Variants in INTU observed in about 807,000 individuals in gnomAD.
INTU encodes inturned planar cell polarity protein.
In INTU, 68 loss-of-function variants were observed where a neutral mutation model predicts 100.5. That is an observed-to-expected ratio of 0.68 (90% confidence interval 0.56 to 0.83). The LOEUF (loss-of-function observed/expected upper bound fraction) is 0.83. INTU is among the 40% of genes least tolerant of loss of function. The pLI, the probability that INTU is intolerant of heterozygous loss-of-function variation, is 0.00. For missense variants in INTU, 1,071 were observed against 1,114.7 expected, an observed-to-expected ratio of 0.96 and a Z score of 0.56; for synonymous variants, 357 against 395.7, an observed-to-expected ratio of 0.90 and a Z score of 1.16.
chr4:127,719,563 G>T lies in INTU; in HGVS notation c.*3127G>T, dbSNP rs878979402. Reference sequence around the variant, plus strand: ...AATAGTTTCAGAAGAAGTGGTATCAGCTTCTTTTTGTATTTCTGGCAGAAT... The same window carrying T: ...AATAGTTTCAGAAGAAGTGGTATCATCTTCTTTTTGTATTTCTGGCAGAAT... On this transcript the variant is annotated 3_prime_UTR_variant, in exon 16 of 16. Coordinates refer to ENST00000335251, the MANE Select transcript of INTU (RefSeq NM_015693.4). The T allele has an allele frequency of 6.6e-6, 1 of 152,156 alleles. No individual in the cohort carries two copies. The highest frequency in any genetic ancestry group is 1.5e-5 in the Non-Finnish European group (1 of 68,018). 9.4% of individuals were successfully genotyped at this position (152,156 alleles called of 1,614,324 possible).
At chr4:127,659,741 A>G (rs899728275) in intron 3 of INTU, among the ~76,000 whole-genome samples, 2 of 152,174 alleles carry the variant, frequency 1.3e-5, no homozygotes, top group African/African-American at 4.8e-5. Context: ...TGGCTTTTTT[A>G]GAGCTTTGGA....
intron 1 of INTU, among the ~76,000 whole-genome samples, chr4:127,635,129 G>C (rs1051043569): frequency 5.3e-5 from 8 of 152,120 alleles, no homozygotes; most frequent in Non-Finnish European, 8.8e-5. Context: ...TACATGCTTT[G>C]TACCTGAGCT....
At position 127,709,711 on chromosome 4, in the gene INTU, TCACA is replaced by T. The variant is rs3066389; in HGVS notation, c.2369+1074_2369+1077del. ...ACAACTAGACACGTACTAATAGAATTCACACACACACACACACACACACACACAC... is the reference window on the plus strand; with the variant it reads ...ACAACTAGACACGTACTAATAGAATTCACACACACACACACACACACACAC... On this transcript the variant is annotated intron_variant, in intron 13 of 15. Transcript: ENST00000335251. Among the ~76,000 whole-genome samples, 659 of 143,390 alleles carry T rather than the reference TCACA, an allele frequency of 4.6e-3. 3 individuals are homozygous for T. The highest frequency in any genetic ancestry group is 5.1e-3 in the Non-Finnish European group (337 of 65,848). 94.1% of individuals were successfully genotyped at this position (143,390 alleles called of 152,430 possible). A position where few individuals can be genotyped will look rare whatever the true frequency, so the allele number is the denominator to read the frequency against.
At chr4:127,709,772 C>T (rs1731027324) in intron 13 of INTU, among the ~76,000 whole-genome samples, 1 of 151,606 alleles carries the variant, frequency 6.6e-6, no homozygotes, top group Non-Finnish European at 1.5e-5. Flanking sequence ...TTCTTAATCA[C>T]TGAAACACTT....
chr4:127,677,675 ACT>A (rs1170345829), intron 6 of INTU, among the ~76,000 whole-genome samples: 2 of 152,052 alleles, frequency 1.3e-5, no homozygotes, highest in Admixed American at 1.3e-4. Flanking sequence ...AAAACTGGAA[ACT>A]CTAAAAAGCA....
At chr4:127,645,378 C>A (rs1328774328) in intron 2 of INTU, among the ~76,000 whole-genome samples, 1 of 152,090 alleles carries the variant, frequency 6.6e-6, no homozygotes, top group Non-Finnish European at 1.5e-5. Context: ...ATAGCCCCAA[C>A]TGAAGCCCTC....
At chr4:127,684,239 AT>A (rs1490443615) in intron 6 of INTU, among the ~76,000 whole-genome samples, 169 bp from the exon 7 acceptor site, 2 of 152,158 alleles carry the variant, frequency 1.3e-5, no homozygotes, top group African/African-American at 2.4e-5. Context: ...TAAATCTAGA[AT>A]AAAGTGATCA....
In INTU at chr4:127,653,891, T is replaced by G. The variant is rs1728039121; in HGVS notation, c.683-2745T>G. On this transcript the variant is annotated intron_variant, in intron 2 of 15. Transcript: ENST00000335251. ...TGTAGGTCACTCAGGACTTGCTTTA[T>G]GAATCTGGGTGCTCCCGTGTTGGGT... Among the ~76,000 whole-genome samples, 7 of 151,972 alleles carry G rather than the reference T, an allele frequency of 4.6e-5. 1 individual carries two copies. In the South Asian group the frequency reaches 1.5e-3, roughly 32 times the overall value.
intron 4 of INTU, among the ~76,000 whole-genome samples, chr4:127,666,626 G>A (rs1244755648): frequency 3.3e-5 from 5 of 152,130 alleles, no homozygotes. Flanking sequence ...ACTCCCAGCA[G>A]AGACCCTAAC....
rs1731407234 is a variant in INTU, at chr4:127,725,696, C to T, written c.*9260C>T. 1 of 152,174 alleles carries T rather than the reference C, an allele frequency of 6.6e-6. No homozygotes were observed. The highest frequency in any genetic ancestry group is 1.5e-5 in the Non-Finnish European group (1 of 68,042). The allele number at this position is 152,174 out of a possible 1,614,324, so 9.4% of individuals were successfully genotyped here. On this transcript the variant is annotated 3_prime_UTR_variant, in exon 16 of 16. Coordinates refer to ENST00000335251, the MANE Select transcript of INTU (RefSeq NM_015693.4). The stretch of plus-strand genomic sequence containing the variant: ...TAAAAAGGCAGAGCAGACTACTGAT[C>T]TTAATAAAAGGAAAATTATTTGCTG...
intron 6 of INTU, among the ~76,000 whole-genome samples, chr4:127,682,834 T>A (rs1052654732): frequency 1.3e-5 from 2 of 152,078 alleles, no homozygotes; most frequent in Admixed American, 1.3e-4. Flanking sequence ...AATGAGATGA[T>A]TTAGGATGTA....
At chr4:127,712,094 A>G (rs1429276863) in intron 14 of INTU, among the ~76,000 whole-genome samples, 1 of 152,212 alleles carries the variant, frequency 6.6e-6, no homozygotes, top group Non-Finnish European at 1.5e-5. Flanking sequence ...ATAGCAATAC[A>G]TGTGTTAGGG....
At position 127,705,603 on chromosome 4, in the gene INTU, T is replaced by A. The variant is rs559946113; in HGVS notation, c.1579T>A (p.Cys527Ser). 1.2e-4 allele frequency: 192 copies of A among 1,613,526 alleles called. 5 individuals carry two copies. In the South Asian group the frequency reaches 2.1e-3, roughly 18 times the overall value. The stretch of plus-strand genomic sequence containing the variant: ...GGTTAAATTCAAGGGTTATTTGATA[T>A]GCAGTCATTTGCCCAAGGATGATCT... ...SSLFYKGYLI[C>S]SHLPKDDLID... Residue 527 changes from cysteine to serine, a missense_variant, in exon 11 of 16, where the codon TGC becomes AGC. By Grantham distance (112) the Cys-to-Ser change is moderately radical. Transcript: ENST00000335251.
At chr4:127,654,318 C>G (rs554444990) in intron 2 of INTU, among the ~76,000 whole-genome samples, 3 of 152,314 alleles carry the variant, frequency 2.0e-5, no homozygotes, top group South Asian at 2.1e-4. Flanking sequence ...TTCGTAGTCT[C>G]AATGGTCTTT....
At chr4:127,708,087 T>A (rs1167189621) in intron 12 of INTU, among the ~76,000 whole-genome samples, 1 of 152,204 alleles carries the variant, frequency 6.6e-6, no homozygotes, top group African/African-American at 2.4e-5. Flanking sequence ...TCACAGTCGA[T>A]GGAATTGGTA....
chr4:127,655,809 C>A (rs1414111646), intron 2 of INTU, among the ~76,000 whole-genome samples: 9 of 152,214 alleles, frequency 5.9e-5, no homozygotes, highest in Non-Finnish European at 1.2e-4. Flanking sequence ...ATGGGGGGCG[C>A]CCCTCCCCCA....
intron 2 of INTU, among the ~76,000 whole-genome samples, chr4:127,653,550 C>T (rs1383439982): frequency 6.6e-6 from 1 of 152,084 alleles, no homozygotes; most frequent in Admixed American, 6.5e-5. Context: ...GATTCTTAAT[C>T]CTGAGTTGTA....
intron 6 of INTU, among the ~76,000 whole-genome samples, chr4:127,682,726 C>T (rs1385740793): frequency 6.7e-6 from 1 of 149,156 alleles, no homozygotes; most frequent in African/African-American, 2.5e-5. Flanking sequence ...GCACATGTAC[C>T]CTAAAACTTA....
Position 127,687,856 on chromosome 4 carries a change from C to G in INTU, c.1438C>G (p.Leu480Val), listed in dbSNP as rs772993712. Residue 480 changes from leucine (L) to valine (V), a missense_variant, in exon 8 of 16, where the codon CTG becomes GTG. Physicochemically the swap from Leu to Val is conservative, Grantham distance 32. Transcript: ENST00000335251. ...LPGVRWLTLPLEIKMELDMAL... is the reference protein window; with the variant it reads ...LPGVRWLTLPVEIKMELDMAL... ...TGGAGTCCGGTGGCTCACACTTCCA[C>G]TGGAAATCAAGGTAATCTTAGGTAT... The G allele has an allele frequency of 6.3e-7, 1 of 1,578,342 alleles. No individual in the cohort carries two copies. The highest frequency in any genetic ancestry group is 1.7e-5 in the Admixed American group (1 of 58,656).
Sources: gnomAD v4.1 joint callset for allele counts (sites outside exome capture counted in the v4.1 genomes callset) on GRCh38, gnomAD v4.1.1 for gene constraint, MANE v1.5 for transcripts, NCBI Gene and HGNC (gene_info 2026-07-23, HGNC 2026-07-21) for gene names.